Variants in FAM131C observed in about 807,000 individuals in gnomAD.
FAM131C encodes the protein protein FAM131C.
FAM131C carries 14 observed loss-of-function variants against 29.8 expected under a neutral mutation model. The ratio of observed to expected loss-of-function variants is 0.47; its 90% confidence interval spans 0.31 to 0.73. FAM131C has a LOEUF of 0.73. Among genes scored for constraint, FAM131C ranks in the 30% least tolerant of loss-of-function variants. The pLI is 0.05. For missense variants in FAM131C, 252 were observed against 383.8 expected, an observed-to-expected ratio of 0.66 and a Z score of 2.87; for synonymous variants, 86 against 157.8, an observed-to-expected ratio of 0.54 and a Z score of 3.41.
rs2023533768 is a variant in FAM131C at position 16,058,686 on chromosome 1, A to G, written c.594T>C (p.Leu198=). ...DLESIYLQDS[L]PSGPSQDDSL... ...TGTCATCCTGTGAGGGGCCGCTGGG[A>G]AGGCTGTCCTGAAGGTAGATGCTCT... The change falls in exon 7 of 7, where the codon CTT becomes CTC. Residue 198 remains leucine (L), a synonymous_variant. Coordinates refer to ENST00000375662, the MANE Select transcript of FAM131C (RefSeq NM_182623.3). 1 of 1,600,514 alleles carries G rather than the reference A, an allele frequency of 6.2e-7. No homozygotes were observed. Among genetic ancestry groups the G allele is most frequent in the Non-Finnish European group, 8.5e-7 (1 of 1,175,294 alleles).
At position 16,059,546 on chromosome 1, in the gene FAM131C, G is replaced by A. The variant is rs536626930; in HGVS notation, c.510C>T (p.Asp170=). The change falls in exon 6 of 7, where the codon GAC becomes GAT. Residue 170 remains aspartate (D), a synonymous_variant. Coordinates refer to ENST00000375662, the MANE Select transcript of FAM131C (RefSeq NM_182623.3). ...TGTTCTCGGGGTGCAGCTCCTCTTC[G>A]TCCAGCGAGGACCAAGCGCTCAGTG... The part of the protein sequence containing the change: ...EATLSAWSSL[D]EEELHPENSP... 6.8e-5 allele frequency: 109 copies of A among 1,607,680 alleles called. No homozygotes were observed. The East Asian group carries it at 1.4e-3, about 21-fold the overall frequency.
rs959234133 is a variant in FAM131C at position 16,058,570 on chromosome 1, G to T, written c.710C>A (p.Pro237His). Residue 237 changes from proline (P) to histidine (H), a missense_variant, in exon 7 of 7, where the codon CCC becomes CAC. Physicochemically the swap from Pro to His is moderately conservative, Grantham distance 77. Around this residue, in one of 6 missense-constraint regions of FAM131C, gnomAD observed 11 missense variants for 76.8 expected, o/e 0.14. Coordinates refer to ENST00000375662, the MANE Select transcript of FAM131C (RefSeq NM_182623.3). ...PPSTAGIPQP[P>H]SPELQHRRRL... ...CCGCCGATGCTGCAGCTCTGGGCTG[G>T]GGGGCTGCGGGATGCCAGCGGTGCT... 1 of 1,542,130 alleles carries T rather than the reference G, an allele frequency of 6.5e-7. No homozygotes were observed. Among genetic ancestry groups the T allele is most frequent in the South Asian group, 1.2e-5 (1 of 82,882 alleles).
Position 16,062,514 on chromosome 1 carries a change from A to G in FAM131C, c.159T>C (p.Cys53=). 1 of 1,582,020 alleles carries G rather than the reference A, an allele frequency of 6.3e-7. No homozygotes were observed. The highest frequency in any genetic ancestry group is 8.6e-7 in the Non-Finnish European group (1 of 1,164,168). Residue 53 remains cysteine, a synonymous_variant, in exon 3 of 7, where the codon TGT becomes TGC. Coordinates refer to ENST00000375662, the MANE Select transcript of FAM131C (RefSeq NM_182623.3). ...VIGKDKQMDF[C]WDPWQRCFQT... is the part of the protein sequence containing the mutation. The stretch of plus-strand genomic sequence containing the variant: ...GTGCACTGACCTGCCAAGGATCCCA[A>G]CAGAAATCCATCTGTTTGTCCTAAA...
intron 1 of FAM131C, among the ~76,000 whole-genome samples, chr1:16,065,298 G>A (rs61769898): frequency 2.5e-4 from 38 of 152,116 alleles, no homozygotes; most frequent in African/African-American, 9.2e-4. Context: ...GCAGTCAACC[G>A]GCAAATCCTG....
rs2023557447 is a variant in FAM131C at position 16,059,521 on chromosome 1, T to C, written c.535A>G (p.Ser179Gly). 1 of 1,609,900 alleles carries C rather than the reference T, an allele frequency of 6.2e-7. No homozygotes were observed. The highest frequency in any genetic ancestry group is 1.7e-4 in the Middle Eastern group (1 of 6,046). Residue 179 changes from serine to glycine, a missense_variant, in exon 6 of 7, where the codon AGC becomes GGC. Ser to Gly is a moderately conservative substitution (Grantham distance 56). Coordinates refer to ENST00000375662, the MANE Select transcript of FAM131C (RefSeq NM_182623.3). The part of the protein sequence containing the change: ...LDEEELHPEN[S>G]PQGIVQLQDL... ...TGGAGCTGGACGATGCCTTGGGGGC[T>C]GTTCTCGGGGTGCAGCTCCTCTTCG...
chr1:16,063,094 T>C (rs1570355164), intron 2 of FAM131C, among the ~76,000 whole-genome samples: 1 of 148,570 alleles, frequency 6.7e-6, no homozygotes, highest in African/African-American at 2.4e-5. Context: ...CTGAGAAACA[T>C]ATATAAAATT....
chr1:16,062,286 C>G, intron 3 of FAM131C, 94 bp from the exon 4 acceptor site: 1 of 1,508,148 alleles, frequency 6.6e-7, no homozygotes, highest in Non-Finnish European at 8.9e-7. Flanking sequence ...CCCAGCTCAC[C>G]AGGTCCTCTG....
At chr1:16,063,081 G>C (rs937141280) in intron 2 of FAM131C, among the ~76,000 whole-genome samples, 5 of 148,006 alleles carry the variant, frequency 3.4e-5, no homozygotes, top group African/African-American at 1.2e-4. Flanking sequence ...AAATCCATCT[G>C]GACTGAGAAA....
rs2863452 is a variant in FAM131C, at chr1:16,059,513, T to C, written c.543A>G (p.Gln181=). Residue 181 remains glutamine (Q), a synonymous_variant, in exon 6 of 7, where the codon CAA becomes CAG. Coordinates refer to ENST00000375662, the MANE Select transcript of FAM131C (RefSeq NM_182623.3). Reference sequence around the variant, plus strand: ...CTGTACCTTGGAGCTGGACGATGCCTTGGGGGCTGTTCTCGGGGTGCAGCT... The same window carrying C: ...CTGTACCTTGGAGCTGGACGATGCCCTGGGGGCTGTTCTCGGGGTGCAGCT... ...EEELHPENSP[Q]GIVQLQDLES... is the part of the protein sequence containing the mutation. 0.75 allele frequency: 1,190,523 copies of C among 1,590,146 alleles called. 446,535 individuals are homozygous for C. The highest frequency in any genetic ancestry group is 0.84 in the Admixed American group (49,361 of 58,452).
At chr1:16,063,704 A>C in intron 1 of FAM131C, 68 bp from the exon 2 acceptor site, 1 of 1,098,442 alleles carries the variant, frequency 9.1e-7, no homozygotes, top group Non-Finnish European at 1.3e-6. Flanking sequence ...AGCATGTTCA[A>C]GGCCCCCCCG....
chr1:16,062,394 C>A lies in FAM131C; in HGVS notation c.174+105G>T, dbSNP rs868825191. ...TGTTTCATCAGGCCCCCCCCCCCCC[C>A]GCCCCAGGGCCAGCAGGACTGTGTG... On this transcript the variant is annotated intron_variant, in intron 3 of 6. Coordinates refer to ENST00000375662, the MANE Select transcript of FAM131C (RefSeq NM_182623.3). 21 of 1,172,034 alleles carry A rather than the reference C, an allele frequency of 1.8e-5. No homozygotes were observed. In the East Asian group the frequency reaches 2.9e-4, roughly 16 times the overall value. The allele number at this position is 1,172,034 out of a possible 1,614,324, so 72.6% of individuals were successfully genotyped here. A position where few individuals can be genotyped will look rare whatever the true frequency, so the allele number is the denominator to read the frequency against.
chr1:16,063,681 C>G, intron 1 of FAM131C, 45 bp from the exon 2 acceptor site: 1 of 1,365,772 alleles, frequency 7.3e-7, no homozygotes, highest in Non-Finnish European at 1.0e-6. Context: ...GCCCAGCCCT[C>G]TCTTGCTTAC....
intron 3 of FAM131C, 46 bp from the exon 4 acceptor site, chr1:16,062,238 G>GGCCCC: frequency 1.5e-5 from 24 of 1,582,452 alleles, no homozygotes; most frequent in Non-Finnish European, 2.0e-5. Flanking sequence ...CCAGGCTGCC[G>GGCCCC]GCCGACATCC....
chr1:16,067,619 G>A (rs937024246), intron 1 of FAM131C, among the ~76,000 whole-genome samples: 1 of 152,124 alleles, frequency 6.6e-6, no homozygotes, highest in East Asian at 1.9e-4. Context: ...CCATCCCTCT[G>A]TCTTCAACCA....
At chr1:16,073,307 C>T (rs2023777292) in intron 1 of FAM131C, 114 bp downstream of exon 1, 3 of 515,932 alleles carry the variant, frequency 5.8e-6, no homozygotes, top group African/African-American at 2.0e-5. Flanking sequence ...CCCAGGGGTG[C>T]GGCGGGGCCG....
chr1:16,064,946 C>T (rs978392875), intron 1 of FAM131C, among the ~76,000 whole-genome samples: 2 of 152,248 alleles, frequency 1.3e-5, no homozygotes, highest in African/African-American at 4.8e-5. Flanking sequence ...GCCTCTCTGG[C>T]TGCTGTCCTG....
chr1:16,059,413 A>T, intron 6 of FAM131C, 81 bp downstream of exon 6: 1 of 1,549,664 alleles, frequency 6.5e-7, no homozygotes, highest in Non-Finnish European at 8.8e-7. Context: ...GGCCGAGGTC[A>T]CACTGCCTTT....
chr1:16,061,295 C>A (rs1187018501), intron 4 of FAM131C, among the ~76,000 whole-genome samples: 1 of 151,910 alleles, frequency 6.6e-6, no homozygotes, highest in Non-Finnish European at 1.5e-5. Flanking sequence ...GAGGAAGGCA[C>A]TGGAGATGGA....
intron 1 of FAM131C, among the ~76,000 whole-genome samples, chr1:16,066,668 T>G (rs2023687346): frequency 1.3e-5 from 2 of 152,256 alleles, no homozygotes; most frequent in Non-Finnish European, 2.9e-5. Flanking sequence ...GCAAGTCAGG[T>G]TAAGTATTAC....
Sources: gnomAD v4.1 joint callset for allele counts (sites outside exome capture counted in the v4.1 genomes callset) on GRCh38, gnomAD v4.1.1 for gene constraint, gnomAD v4.1.1 regional missense constraint, MANE v1.5 for transcripts, NCBI Gene and HGNC (gene_info 2026-07-23, HGNC 2026-07-21) for gene names.